GRIA1: variants seen among roughly 807,000 people sequenced by gnomAD.
GRIA1 encodes glutamate ionotropic receptor AMPA type subunit 1, also known as glutamate receptor 1.
A neutral mutation model predicts 99.2 loss-of-function variants in GRIA1; 31 were observed. That is an observed-to-expected ratio of 0.31 (90% CI 0.23 to 0.42). The LOEUF (loss-of-function observed/expected upper bound fraction) is 0.42, where lower values mean the gene tolerates loss of function less well. GRIA1 is among the 10% of genes least tolerant of loss of function. GRIA1 has a pLI of 1.00. For missense variants in GRIA1, 782 were observed against 1,157.5 expected (o/e 0.68, Z 4.71); for synonymous variants, 438 against 432.4 (o/e 1.01, Z -0.16).
intron 2 of GRIA1, among the ~76,000 whole-genome samples, chr5:153,534,055 G>A (rs1045528781): frequency 1.2e-4 from 18 of 152,346 alleles, no homozygotes; most frequent in African/African-American, 4.3e-4. Context: ...GTGGCAAGGA[G>A]TCCTCTCAGG....
chr5:153,754,742 G>T (rs1182520356), intron 11 of GRIA1, among the ~76,000 whole-genome samples: 1 of 152,194 alleles, frequency 6.6e-6, no homozygotes, highest in African/African-American at 2.4e-5. Context: ...AATGTGCATG[G>T]AGATGCCAGG....
chr5:153,723,548 C>T (rs1465661464), intron 11 of GRIA1, among the ~76,000 whole-genome samples: 2 of 152,234 alleles, frequency 1.3e-5, no homozygotes, highest in Non-Finnish European at 1.5e-5. Flanking sequence ...CCTAATACTG[C>T]GCTTTTCCAA....
chr5:153,640,555 A>C (rs1371765570), intron 2 of GRIA1, among the ~76,000 whole-genome samples: 1 of 152,200 alleles, frequency 6.6e-6, no homozygotes, highest in African/African-American at 2.4e-5. Flanking sequence ...TGGTCCCTCT[A>C]TCTAGACACA....
At chr5:153,552,075 T>C (rs1361927451) in intron 2 of GRIA1, among the ~76,000 whole-genome samples, 1 of 152,012 alleles carries the variant, frequency 6.6e-6, no homozygotes, top group African/African-American at 2.4e-5. Context: ...TCTGTAGGCC[T>C]GTTTTCTCTG....
intron 2 of GRIA1, among the ~76,000 whole-genome samples, chr5:153,584,644 A>C (rs540960058): frequency 6.6e-6 from 1 of 152,292 alleles, no homozygotes; most frequent in South Asian, 2.1e-4. Context: ...TAGGGAGTGC[A>C]TATTTTTCTC....
intron 13 of GRIA1, among the ~76,000 whole-genome samples, chr5:153,781,635 G>A (rs575321739): frequency 2.6e-5 from 4 of 152,236 alleles, no homozygotes; most frequent in East Asian, 1.9e-4. Flanking sequence ...CAGTTGCTGT[G>A]CCTGGTCTGT....
At chr5:153,673,490 G>A (rs1001691432) in intron 5 of GRIA1, among the ~76,000 whole-genome samples, 15 of 152,214 alleles carry the variant, frequency 9.9e-5, no homozygotes, top group African/African-American at 3.1e-4. Context: ...TTAGAATAGT[G>A]CACTATGACT....
chr5:153,699,560 A>T (rs1024112318), intron 10 of GRIA1, among the ~76,000 whole-genome samples: 5 of 152,156 alleles, frequency 3.3e-5, no homozygotes, highest in Admixed American at 6.5e-5. Context: ...CACCCCTAAG[A>T]TACTACTCCT....
chr5:153,676,366 C>T (rs755719988), intron 6 of GRIA1, among the ~76,000 whole-genome samples: 1 of 152,122 alleles, frequency 6.6e-6, no homozygotes, highest in South Asian at 2.1e-4. Flanking sequence ...TTGTTTCATC[C>T]ACATCCTAGT....
In GRIA1 at chr5:153,794,708, G is replaced by A. The variant is rs1765527998; in HGVS notation, c.2358G>A (p.Glu786=). The A allele has an allele frequency of 6.2e-7, 1 of 1,613,134 alleles. No individual in the cohort carries two copies. The highest frequency in any genetic ancestry group is 2.2e-5 in the East Asian group (1 of 44,878). ...ACAAATGGTGGTACGACAAGGGCGA[G>A]TGCGGCAGCGGGGGAGGTGATTCCA... ...LKNKWWYDKG[E]CGSGGGDSKD... The change falls in exon 14 of 16, where the codon GAG becomes GAA. Residue 786 remains glutamate (E), a synonymous_variant. Coordinates refer to ENST00000285900, the MANE Select transcript of GRIA1 (RefSeq NM_000827.4).
intron 11 of GRIA1, among the ~76,000 whole-genome samples, chr5:153,723,932 G>C (rs957025571): frequency 1.3e-5 from 2 of 152,222 alleles, no homozygotes; most frequent in African/African-American, 4.8e-5. Flanking sequence ...AGAACGGGCA[G>C]ACTGCCTCCT....
At chr5:153,583,538 T>C (rs1763225017) in intron 2 of GRIA1, among the ~76,000 whole-genome samples, 2 of 152,200 alleles carry the variant, frequency 1.3e-5, no homozygotes, top group South Asian at 4.1e-4. Context: ...CTCGTGTGTC[T>C]GTGTGTCTTT....
At chr5:153,775,656 C>A (rs776756566) in intron 13 of GRIA1, among the ~76,000 whole-genome samples, 29 of 151,930 alleles carry the variant, frequency 1.9e-4, no homozygotes, top group Admixed American at 6.6e-5. Flanking sequence ...GAGATGCAAT[C>A]CCAGTGCTTA....
intron 2 of GRIA1, among the ~76,000 whole-genome samples, chr5:153,543,758 C>T (rs540443692): frequency 2.6e-5 from 4 of 152,272 alleles, no homozygotes; most frequent in African/African-American, 9.6e-5. Context: ...GAGGGCTAAA[C>T]CATCAGAGGC....
intron 2 of GRIA1, among the ~76,000 whole-genome samples, chr5:153,508,308 A>G (rs1755732301): frequency 6.6e-6 from 1 of 152,198 alleles, no homozygotes; most frequent in South Asian, 2.1e-4. Context: ...CCTATTACAC[A>G]TTAGAAATGT....
At chr5:153,525,025 G>A (rs1031378495) in intron 2 of GRIA1, among the ~76,000 whole-genome samples, 21 of 152,124 alleles carry the variant, frequency 1.4e-4, no homozygotes, top group Non-Finnish European at 2.1e-4. Flanking sequence ...TTAAGGATTC[G>A]ACTATTTACT....
chr5:153,535,440 A>T (rs1758478813), intron 2 of GRIA1, among the ~76,000 whole-genome samples: 1 of 152,190 alleles, frequency 6.6e-6, no homozygotes, highest in Non-Finnish European at 1.5e-5. Context: ...TCTGTCAAAT[A>T]AAGCAACCTC....
intron 2 of GRIA1, among the ~76,000 whole-genome samples, chr5:153,527,475 A>C (rs1757708117): frequency 6.6e-6 from 1 of 152,208 alleles, no homozygotes; most frequent in Admixed American, 6.6e-5. Context: ...TGACTGGATT[A>C]AGGAATATCT....
chr5:153,634,469 T>TAA (rs1753208141), intron 2 of GRIA1, among the ~76,000 whole-genome samples: 1 of 152,058 alleles, frequency 6.6e-6, no homozygotes, highest in African/African-American at 2.4e-5. Flanking sequence ...ACAGCTTGTG[T>TAA]AAAACCTCAA....
Sources: gnomAD v4.1 joint callset for allele counts (sites outside exome capture counted in the v4.1 genomes callset) on GRCh38, gnomAD v4.1.1 for gene constraint, MANE v1.5 for transcripts, NCBI Gene and HGNC (gene_info 2026-07-23, HGNC 2026-07-21) for gene names.